The following STK3 variants were observed in gnomAD, a reference collection of about 807,000 sequenced individuals.
STK3 encodes the protein serine/threonine-protein kinase 3.
STK3 carries 41 observed loss-of-function variants against 58.0 expected under a neutral mutation model. The ratio of observed to expected loss-of-function variants is 0.71; its 90% CI spans 0.55 to 0.92. STK3 has a LOEUF of 0.92. Among genes scored for constraint, STK3 ranks in the 40% least tolerant of loss-of-function variants. The pLI, the probability that STK3 is intolerant of heterozygous loss-of-function variation, is 0.00. For missense variants in STK3, 479 were observed against 602.7 expected, an observed-to-expected ratio of 0.79 and a Z score of 2.15; for synonymous variants, 170 against 191.0, an observed-to-expected ratio of 0.89 and a Z score of 0.91.
At chr8:98,930,417 G>C (rs1196603680) in intron 1 of STK3, among the ~76,000 whole-genome samples, 1 of 152,200 alleles carries the variant, frequency 6.6e-6, no homozygotes, top group African/African-American at 2.4e-5. Flanking sequence ...GTTCCATGCA[G>C]AGTGTGTTAC....
chr8:98,877,991 T>A (rs1455902931), intron 3 of STK3, among the ~76,000 whole-genome samples: 1 of 151,832 alleles, frequency 6.6e-6, no homozygotes, highest in Non-Finnish European at 1.5e-5. Context: ...ACTGACCTGC[T>A]CAAACTGGTG....
the STK3 span, among the ~76,000 whole-genome samples, chr8:98,346,284 CAAAAAAAAAAAA>C: frequency 8.5e-6 from 1 of 118,166 alleles, no homozygotes; most frequent in African/African-American, 3.2e-5. Context: ...GACTCCGTCT[CAAAAAAAAAAAA>C]AAAAATGTTA....
At chr8:98,886,300 G>A (rs935332636) in intron 1 of STK3, among the ~76,000 whole-genome samples, 1 of 152,162 alleles carries the variant, frequency 6.6e-6, no homozygotes, top group Non-Finnish European at 1.5e-5. Context: ...TAAGATTTTG[G>A]CATTGGTGGA....
At chr8:98,689,246 T>G (rs749789118) in intron 6 of STK3, among the ~76,000 whole-genome samples, 3 of 151,950 alleles carry the variant, frequency 2.0e-5, no homozygotes, top group Admixed American at 6.6e-5. Context: ...AGTAACAAGA[T>G]TCAATCAGAA....
At chr8:98,648,725 CTACTAAAAATACAAA>C (rs1820611636) in intron 6 of STK3, among the ~76,000 whole-genome samples, 3 of 152,100 alleles carry the variant, frequency 2.0e-5, no homozygotes, top group Admixed American at 2.0e-4. Context: ...AACCCCATCT[CTACTAAAAATACAAA>C]AATAAGCCGG....
rs184017323 is a variant in STK3 at position 98,886,735 on chromosome 8, T to C, written c.-78-2901A>G. Among the ~76,000 whole-genome samples the C allele has an allele frequency of 2.6e-5, 4 of 152,330 alleles. No homozygotes were observed. The East Asian group carries it at 5.8e-4, about 22-fold the overall frequency. ...TCCAGGACACCCTAAAATCCACAAA[T>C]GCTTAAGTCCTTATACATAATGGTG... On this transcript the variant is annotated intron_variant, in intron 1 of 1. Transcript: ENST00000519420.
chr8:98,521,624 C>T (rs1441444460), intron 10 of STK3, among the ~76,000 whole-genome samples: 2 of 152,144 alleles, frequency 1.3e-5, no homozygotes, highest in Non-Finnish European at 2.9e-5. Flanking sequence ...TATTCAGACT[C>T]TGTAACCTTG....
chr8:98,647,668 A>G (rs1587142696), intron 6 of STK3, among the ~76,000 whole-genome samples: 3 of 152,114 alleles, frequency 2.0e-5, no homozygotes, highest in Admixed American at 2.0e-4. Flanking sequence ...CACCACGCCC[A>G]GATAATTTCT....
chr8:98,480,020 A>G (rs1436050230), intron 10 of STK3, among the ~76,000 whole-genome samples: 2 of 152,192 alleles, frequency 1.3e-5, no homozygotes, highest in Non-Finnish European at 2.9e-5. Context: ...GAAAAAGGTC[A>G]GTGAAAATTA....
At chr8:98,933,333 A>T (rs1259674900) in intron 1 of STK3, among the ~76,000 whole-genome samples, 3 of 152,214 alleles carry the variant, frequency 2.0e-5, no homozygotes, top group Non-Finnish European at 4.4e-5. Flanking sequence ...ACCGAAAAAC[A>T]TTATCCTTTA....
chr8:98,748,863 T>C (rs552276432), intron 4 of STK3, among the ~76,000 whole-genome samples: 1 of 151,946 alleles, frequency 6.6e-6, no homozygotes, highest in Non-Finnish European at 1.5e-5. Context: ...CAGAAGTATA[T>C]AATTTCTTCA....
At chr8:98,386,140 C>A (rs1030776666) in intron 1 of STK3, among the ~76,000 whole-genome samples, 4 of 152,016 alleles carry the variant, frequency 2.6e-5, no homozygotes, top group Non-Finnish European at 5.9e-5. Flanking sequence ...TATTACAACC[C>A]CTATAGAAAG....
chr8:98,575,124 T>A lies in STK3; in HGVS notation c.948+4540A>T, dbSNP rs80282576. 6.6e-3 allele frequency among the ~76,000 whole-genome samples: 999 copies of A among 152,280 alleles called. 3 individuals are homozygous for A. The highest frequency in any genetic ancestry group is 0.023 in the African/African-American group (951 of 41,554). On this transcript the variant is annotated intron_variant, in intron 8 of 10. Transcript: ENST00000419617. The stretch of plus-strand genomic sequence containing the variant: ...CTCTATCTGAATGTAATTTAGAAGA[T>A]GACATTCTAGATTTTGAGCTGATAT...
chr8:98,620,356 AC>A (rs1221446221), intron 6 of STK3, among the ~76,000 whole-genome samples: 2 of 140,580 alleles, frequency 1.4e-5, no homozygotes, highest in Non-Finnish European at 3.1e-5. Context: ...TGGGAGATAT[AC>A]CTAATGCTAG....
chr8:98,420,272 A>G (rs571958664), intron 3 of STK3, among the ~76,000 whole-genome samples: 1 of 152,298 alleles, frequency 6.6e-6, no homozygotes, highest in East Asian at 1.9e-4. Flanking sequence ...TTAGTCACTT[A>G]GCAGCCACAC....
At chr8:98,874,564 T>C (rs1837495537) in intron 3 of STK3, among the ~76,000 whole-genome samples, 1 of 152,132 alleles carries the variant, frequency 6.6e-6, no homozygotes, top group Non-Finnish European at 1.5e-5. Flanking sequence ...ACCCATGTTT[T>C]ATATATCTAT....
At chr8:98,637,747 A>C (rs1191501035) in intron 6 of STK3, among the ~76,000 whole-genome samples, 1 of 152,176 alleles carries the variant, frequency 6.6e-6, no homozygotes, top group Non-Finnish European at 1.5e-5. Context: ...TTACAGTTTT[A>C]AATGAGCAAA....
chr8:98,672,705 C>T (rs1045041587), intron 6 of STK3, among the ~76,000 whole-genome samples: 1 of 152,048 alleles, frequency 6.6e-6, no homozygotes, highest in Non-Finnish European at 1.5e-5. Context: ...TTAGCAAAGC[C>T]ATATAATTTA....
chr8:98,572,820 T>C (rs185363908), intron 8 of STK3, among the ~76,000 whole-genome samples: 260 of 152,320 alleles, frequency 1.7e-3, no homozygotes, highest in African/African-American at 6.0e-3. Context: ...TATTGCTCAA[T>C]GTGTGACTCT....
Sources: allele counts gnomAD v4.1 joint callset (sites outside exome capture counted in the v4.1 genomes callset), GRCh38; gene constraint gnomAD v4.1.1; transcripts MANE v1.5; gene names NCBI Gene and HGNC (gene_info 2026-07-23, HGNC 2026-07-21).